The following NOL10 variants were observed in gnomAD, a reference collection of about 807,000 sequenced individuals.
NOL10 encodes H_NH0074G24.1.
A neutral mutation model predicts 103.5 loss-of-function variants in NOL10; 58 were observed. The observed-to-expected ratio is 0.56, with a 90% CI of 0.45 to 0.70. The LOEUF is 0.70. Ranked by LOEUF, NOL10 falls within the 30% of genes least tolerant of loss-of-function variation. The pLI, the probability that NOL10 is intolerant of heterozygous loss-of-function variation, is 0.00. For synonymous variants in NOL10, 287 were observed against 282.5 expected (o/e 1.02, Z -0.16); for missense variants, 763 against 807.3 (o/e 0.95, Z 0.67).
intron 12 of NOL10, among the ~76,000 whole-genome samples, chr2:10,650,100 T>C (rs1209210123): frequency 6.6e-6 from 1 of 152,184 alleles, no homozygotes; most frequent in East Asian, 1.9e-4. Flanking sequence ...TCATAAATAT[T>C]ACTTTAATAA....
chr2:10,584,225 G>A (rs1320155450), intron 19 of NOL10, among the ~76,000 whole-genome samples: 2 of 152,114 alleles, frequency 1.3e-5, no homozygotes, highest in African/African-American at 2.4e-5. Context: ...CCTTTCCCAT[G>A]AGCGCTTCAG....
chr2:10,587,275 A>ATATTTTTTTTT (rs1280231319), intron 19 of NOL10, among the ~76,000 whole-genome samples: 10 of 22,564 alleles, frequency 4.4e-4, no homozygotes, highest in Non-Finnish European at 7.1e-4. Context: ...ATATATATAT[A>ATATTTTTTTTT]TTTTTTTTTT....
chr2:10,596,268 G>GGGA lies in NOL10; in HGVS notation c.1422+4584_1422+4585insTCC, dbSNP rs1553298216. Reference sequence around the variant, plus strand: ...CCACAGATGGTGGTGGGGGGCGGGGGGCGGGCGCGAGGGAGTTTTGGGATG... The same window carrying GGGA: ...CCACAGATGGTGGTGGGGGGCGGGGGGGAGCGGGCGCGAGGGAGTTTTGGGATG... On this transcript the variant is annotated intron_variant, in intron 17 of 20. Coordinates refer to ENST00000381685, the MANE Select transcript of NOL10 (RefSeq NM_024894.4). Among the ~76,000 whole-genome samples the GGGA allele has an allele frequency of 3.4e-4, 28 of 81,426 alleles. 3 individuals are homozygous for GGGA. The East Asian group carries it at 7.1e-3, about 21-fold the overall frequency. The allele number at this position is 81,426 out of a possible 152,430, so 53.4% of individuals were successfully genotyped here. A position where few individuals can be genotyped will look rare whatever the true frequency, so the allele number is the denominator to read the frequency against.
intron 19 of NOL10, among the ~76,000 whole-genome samples, chr2:10,585,231 C>G (rs911848382): frequency 7.9e-5 from 12 of 152,204 alleles, no homozygotes; most frequent in African/African-American, 2.2e-4. Flanking sequence ...ACAGCATATA[C>G]TCAACAAATA....
chr2:10,681,180 G>A (rs1681729374), intron 3 of NOL10, among the ~76,000 whole-genome samples: 2 of 152,078 alleles, frequency 1.3e-5, no homozygotes, highest in East Asian at 1.9e-4. Flanking sequence ...TGCTTTATTA[G>A]TAACAGCCAA....
chr2:10,645,115 A>T (rs963122347), intron 12 of NOL10, among the ~76,000 whole-genome samples: 3 of 152,076 alleles, frequency 2.0e-5, no homozygotes, highest in Non-Finnish European at 4.4e-5. Context: ...ACATACAACA[A>T]CCCTCTCAAA....
intron 12 of NOL10, among the ~76,000 whole-genome samples, chr2:10,651,599 G>A (rs1679462681): frequency 6.6e-6 from 1 of 151,770 alleles, no homozygotes; most frequent in Non-Finnish European, 1.5e-5. Context: ...CCCACGAGTG[G>A]CTAGTGGCTA....
chr2:10,668,674 G>C lies in NOL10; in HGVS notation c.514C>G (p.Leu172Val). 3 of 1,543,462 alleles carry C rather than the reference G, an allele frequency of 1.9e-6. No homozygotes were observed. The highest frequency in any genetic ancestry group is 2.6e-6 in the Non-Finnish European group (3 of 1,132,726). ...NLEQGRYLNP[L>V]QTDAAENNVC... is the part of the protein sequence containing the mutation. ...ACTACTCACGCAGCATCAGTTTGTA[G>C]AGGATTCAGGTATCGTCCTTGTTCT... is the stretch of plus-strand genomic sequence containing the variant. The change falls in exon 7 of 21, where the codon CTA becomes GTA. Residue 172 changes from leucine (L) to valine (V), a missense_variant. Coordinates refer to ENST00000381685, the MANE Select transcript of NOL10 (RefSeq NM_024894.4).
chr2:10,685,303 GC>G, intron 1 of NOL10, among the ~76,000 whole-genome samples: 1 of 152,202 alleles, frequency 6.6e-6, no homozygotes, highest in East Asian at 1.9e-4. Flanking sequence ...GACCAGCCTG[GC>G]CAACATGGTG....
At chr2:10,634,431 G>C (rs934114929) in intron 13 of NOL10, 4 of 451,014 alleles carry the variant, frequency 8.9e-6, no homozygotes, top group African/African-American at 6.0e-5. Flanking sequence ...CCTGGCAGGT[G>C]GGGTGCAGGT....
At position 10,575,417 on chromosome 2, in the gene NOL10, ACT is replaced by A. The variant is rs552671176; in HGVS notation, c.1947+2217_1947+2218del. Among the ~76,000 whole-genome samples the A allele has an allele frequency of 1.7e-3, 252 of 152,296 alleles. 1 individual carries two copies. The highest frequency in any genetic ancestry group is 5.8e-3 in the African/African-American group (243 of 41,556). Reference sequence around the variant, plus strand: ...TAAGTAAAGTTTACTGTAAACTAGAACTCAAGTAAAACTGAGATTTAATAATT... The same window carrying A: ...TAAGTAAAGTTTACTGTAAACTAGAACAAGTAAAACTGAGATTTAATAATT... On this transcript the variant is annotated intron_variant, in intron 20 of 20. Transcript: ENST00000381685.
intron 13 of NOL10, among the ~76,000 whole-genome samples, chr2:10,634,289 C>T (rs552686892): frequency 1.3e-5 from 2 of 152,220 alleles, no homozygotes; most frequent in African/African-American, 4.8e-5. Flanking sequence ...GGATGTGGAA[C>T]AAAATCTGCA....
At position 10,645,969 on chromosome 2, in the gene NOL10, C is replaced by CACACA. The variant is rs1358635306; in HGVS notation, c.974-1598_974-1597insTGTGT. 5.1e-5 allele frequency among the ~76,000 whole-genome samples: 6 copies of CACACA among 116,816 alleles called. No individual in the cohort carries two copies. The East Asian group carries it at 1.3e-3, about 25-fold the overall frequency. 76.6% of individuals were successfully genotyped at this position (116,816 alleles called of 152,430 possible). ...TACACACACACACACACACACACACCCCGTAAAAACATCTAAAAGCACCTA... is the reference window on the plus strand; with the variant it reads ...TACACACACACACACACACACACACCACACACCGTAAAAACATCTAAAAGCACCTA... On this transcript the variant is annotated intron_variant, in intron 12 of 20. Coordinates refer to ENST00000381685, the MANE Select transcript of NOL10 (RefSeq NM_024894.4).
chr2:10,631,351 A>C (rs1677825987), intron 13 of NOL10, among the ~76,000 whole-genome samples: 1 of 152,236 alleles, frequency 6.6e-6, no homozygotes, highest in Admixed American at 6.5e-5. Context: ...AGAGAAAAAC[A>C]AAAGGCATTC....
At position 10,689,856 on chromosome 2, in the gene NOL10, C is replaced by G. The variant is rs202096955; in HGVS notation, c.6G>C (p.Gln2His). 125 of 1,606,026 alleles carry G rather than the reference C, an allele frequency of 7.8e-5. No homozygotes were observed. In the East Asian group the frequency reaches 2.5e-3, roughly 33 times the overall value. The change falls in exon 1 of 21, where the codon CAG becomes CAC. Residue 2 changes from glutamine (Q) to histidine (H), a missense_variant. Transcript: ENST00000381685. Reference protein sequence around the residue: MQVSSLNEVKIY... With the variant: MHVSSLNEVKIY... ...TCTTCACCTCATTGAGGCTGGAGAC[C>G]TGCATGGCGCCGCACAACACTGTTC...
At chr2:10,590,851 C>T (rs1249105396) in intron 17 of NOL10, 3 of 152,216 alleles carry the variant, frequency 2.0e-5, no homozygotes, top group Non-Finnish European at 2.9e-5. Flanking sequence ...CTGCTACAGG[C>T]TTGGAAGCCA....
chr2:10,638,820 T>TTG (rs1678500928), intron 13 of NOL10, among the ~76,000 whole-genome samples: 1 of 104,242 alleles, frequency 9.6e-6, no homozygotes, highest in African/African-American at 4.0e-5. Context: ...TTTTTTTTTT[T>TTG]GAGACAGATT....
At chr2:10,684,524 A>G (rs1682011121) in intron 2 of NOL10, 43 bp downstream of exon 2, 5 of 1,464,166 alleles carry the variant, frequency 3.4e-6, no homozygotes, top group Admixed American at 2.0e-5. Context: ...GCATTAGAAC[A>G]TGGATCACTA....
At chr2:10,599,161 C>A (rs759461376) in intron 17 of NOL10, among the ~76,000 whole-genome samples, 2 of 152,170 alleles carry the variant, frequency 1.3e-5, no homozygotes, top group Non-Finnish European at 2.9e-5. Flanking sequence ...GCATGCTGCA[C>A]AAAGTAGCAA....
Sources: allele counts gnomAD v4.1 joint callset (sites outside exome capture counted in the v4.1 genomes callset), GRCh38; gene constraint gnomAD v4.1.1; transcripts MANE v1.5; gene names NCBI Gene and HGNC (gene_info 2026-07-23, HGNC 2026-07-21).